WASF3: variants seen among roughly 807,000 people sequenced by gnomAD.
WASF3 encodes the protein actin-binding protein WASF3.
WASF3 carries 11 observed loss-of-function variants against 46.6 expected under a neutral mutation model. The ratio of observed to expected loss-of-function variants is 0.24; its 90% CI spans 0.15 to 0.39. The LOEUF (loss-of-function observed/expected upper bound fraction) is 0.39, where lower values mean the gene tolerates loss of function less well. Among genes scored for constraint, WASF3 ranks in the 10% least tolerant of loss-of-function variants. WASF3 has a pLI of 1.00. For synonymous variants in WASF3, 242 were observed against 259.7 expected (o/e 0.93, Z 0.65); for missense variants, 576 against 669.8 (o/e 0.86, Z 1.55).
In WASF3 at chr13:26,613,056, A is replaced by G. The variant is rs1881026057; in HGVS notation, c.-13A>G. On this transcript the variant is annotated splice_region_variant and 5_prime_UTR_variant, in exon 2 of 10. It removes an upstream start codon present in the reference 5' UTR. Transcript: ENST00000335327. Reference sequence around the variant, plus strand: ...TCTGCAACCCATAGTCAACGATTACATGGTAAGAGTGTGTGCCTTTTACCC... The same window carrying G: ...TCTGCAACCCATAGTCAACGATTACGTGGTAAGAGTGTGTGCCTTTTACCC... 1 of 152,114 alleles carries G rather than the reference A, an allele frequency of 6.6e-6. No individual in the cohort carries two copies. Among genetic ancestry groups the G allele is most frequent in the East Asian group, 1.9e-4 (1 of 5,202 alleles). The allele number at this position is 152,114 out of a possible 1,614,324, so 9.4% of individuals were successfully genotyped here.
intron 3 of WASF3, among the ~76,000 whole-genome samples, chr13:26,656,484 C>T (rs1188965639): frequency 6.6e-6 from 1 of 152,014 alleles, no homozygotes; most frequent in Non-Finnish European, 1.5e-5. Flanking sequence ...CAAAAAATAA[C>T]ATATAATTTC....
intron 2 of WASF3, among the ~76,000 whole-genome samples, chr13:26,623,825 T>A (rs1029401296): frequency 2.0e-5 from 3 of 152,150 alleles, no homozygotes; most frequent in African/African-American, 7.2e-5. Flanking sequence ...GACATAAATG[T>A]CAAGGAACTA....
chr13:26,685,327 G>A (rs1242579849), intron 9 of WASF3, among the ~76,000 whole-genome samples: 1 of 152,086 alleles, frequency 6.6e-6, no homozygotes, highest in African/African-American at 2.4e-5. Context: ...AGCCTGCAGC[G>A]TCCCAGAGAG....
intron 1 of WASF3, among the ~76,000 whole-genome samples, chr13:26,568,230 C>T (rs572186240): frequency 6.6e-6 from 1 of 152,162 alleles, no homozygotes; most frequent in Non-Finnish European, 1.5e-5. Flanking sequence ...ATCACTAGGA[C>T]TGCTGTGTAG....
chr13:26,593,794 G>A (rs1321823838), intron 1 of WASF3, among the ~76,000 whole-genome samples: 1 of 152,162 alleles, frequency 6.6e-6, no homozygotes, highest in African/African-American at 2.4e-5. Context: ...TCCATTTAGT[G>A]TCATGTCAGA....
intron 9 of WASF3, 129 bp from the exon 10 acceptor site, chr13:26,685,559 C>G (rs559172485): frequency 8.6e-7 from 1 of 1,166,444 alleles, no homozygotes; most frequent in Admixed American, 2.7e-5. Flanking sequence ...CTTTTCTCCC[C>G]TCAAATTTCT....
At chr13:26,676,858 ATTGT>A (rs1330073316) in intron 7 of WASF3, 134 bp downstream of exon 7, 71 of 825,302 alleles carry the variant, frequency 8.6e-5, no homozygotes, top group Admixed American at 3.4e-4. Context: ...TTCCTTAAAA[ATTGT>A]TTATCTGTAT....
intron 2 of WASF3, among the ~76,000 whole-genome samples, chr13:26,631,452 T>C (rs947185465): frequency 6.6e-6 from 1 of 152,262 alleles, no homozygotes; most frequent in Non-Finnish European, 1.5e-5. Flanking sequence ...TTCTTGTTTT[T>C]GTCAGGTTTG....
At chr13:26,623,964 T>C (rs1004307431) in intron 2 of WASF3, among the ~76,000 whole-genome samples, 3 of 152,186 alleles carry the variant, frequency 2.0e-5, no homozygotes, top group South Asian at 2.1e-4. Context: ...CCTGACTAGG[T>C]TGACTCAATC....
intron 2 of WASF3, chr13:26,620,687 C>G (rs1881279287): frequency 2.0e-5 from 3 of 152,150 alleles, no homozygotes; most frequent in Admixed American, 2.0e-4. Context: ...GAGATTTCTT[C>G]CCACAACAGA....
intron 4 of WASF3, among the ~76,000 whole-genome samples, chr13:26,665,591 A>AG (rs386378569): frequency 6.6e-6 from 1 of 151,814 alleles, no homozygotes; most frequent in Non-Finnish European, 1.5e-5. Context: ...TGCCTGTAAA[A>AG]TCCTGGTGAT....
intron 7 of WASF3, among the ~76,000 whole-genome samples, chr13:26,677,796 T>C (rs546828782): frequency 2.0e-5 from 3 of 152,360 alleles, no homozygotes; most frequent in African/African-American, 7.2e-5. Context: ...TCATAGTTCT[T>C]TGGGTGGGGA....
In WASF3 at chr13:26,667,814, T is replaced by C. The variant is rs1882817051; in HGVS notation, c.422+144T>C. ...GAATTGCTTCAAACTTTGAAAATAA[T>C]GATTGAATTATATACAATGAAACTA... On this transcript the variant is annotated intron_variant, in intron 5 of 9. Coordinates refer to ENST00000335327, the MANE Select transcript of WASF3 (RefSeq NM_006646.6). 5.4e-6 allele frequency: 4 copies of C among 743,278 alleles called. No homozygotes were observed. The East Asian group carries it at 1.1e-4, about 21-fold the overall frequency. 46.0% of individuals were successfully genotyped at this position (743,278 alleles called of 1,614,324 possible).
At chr13:26,595,816 G>T (rs1428934986) in intron 1 of WASF3, among the ~76,000 whole-genome samples, 1 of 152,136 alleles carries the variant, frequency 6.6e-6, no homozygotes, top group Non-Finnish European at 1.5e-5. Flanking sequence ...GTTGTTTTAT[G>T]TATCAATTGT....
intron 1 of WASF3, among the ~76,000 whole-genome samples, chr13:26,566,366 C>T (rs1349799518): frequency 1.3e-5 from 2 of 152,030 alleles, no homozygotes; most frequent in Admixed American, 1.3e-4. Context: ...GAAGTGCTCA[C>T]AGTAATAAAG....
chr13:26,633,018 A>ACC (rs1438366875), intron 2 of WASF3, among the ~76,000 whole-genome samples: 2 of 151,168 alleles, frequency 1.3e-5, no homozygotes, highest in African/African-American at 4.9e-5. Context: ...TGGTGGTGAT[A>ACC]CCCCCTTTAT....
At chr13:26,600,871 C>G (rs1373165658) in intron 1 of WASF3, among the ~76,000 whole-genome samples, 1 of 152,168 alleles carries the variant, frequency 6.6e-6, no homozygotes, top group Non-Finnish European at 1.5e-5. Flanking sequence ...TGTCTTTCCT[C>G]CTTTCCTTAG....
At chr13:26,628,996 A>G (rs1193471115) in intron 2 of WASF3, among the ~76,000 whole-genome samples, 2 of 152,164 alleles carry the variant, frequency 1.3e-5, no homozygotes, top group African/African-American at 2.4e-5. Flanking sequence ...TGTGCCTTGA[A>G]AAGGCTGGCC....
chr13:26,549,519 G>A, the WASF3 span, among the ~76,000 whole-genome samples: 1 of 152,140 alleles, frequency 6.6e-6, no homozygotes. Flanking sequence ...ACAACGTTGA[G>A]TAAAACACAA....
Sources: allele counts gnomAD v4.1 joint callset (sites outside exome capture counted in the v4.1 genomes callset), GRCh38; gene constraint gnomAD v4.1.1; transcripts MANE v1.5; gene names NCBI Gene and HGNC (gene_info 2026-07-23, HGNC 2026-07-21).